The following PTPRB variants were observed in gnomAD, a reference collection of about 807,000 sequenced individuals.
The protein encoded by PTPRB is protein tyrosine phosphatase receptor type B.
Under a neutral mutation model 238.1 loss-of-function variants are expected in PTPRB, and 97 were observed. That is an observed-to-expected ratio of 0.41 (90% CI 0.35 to 0.48). The LOEUF (loss-of-function observed/expected upper bound fraction) is 0.48, where lower values mean the gene tolerates loss of function less well. Ranked by LOEUF, PTPRB falls within the 20% of genes least tolerant of loss-of-function variation. The pLI, the probability that PTPRB is intolerant of heterozygous loss-of-function variation, is 0.30. For missense variants in PTPRB, 2,292 were observed against 2,681.9 expected, an observed-to-expected ratio of 0.85 and a Z score of 3.21; for synonymous variants, 970 against 995.4, an observed-to-expected ratio of 0.97 and a Z score of 0.48.
chr12:70,578,650 TA>T (rs527570296), intron 10 of PTPRB, among the ~76,000 whole-genome samples: 1 of 151,876 alleles, frequency 6.6e-6, no homozygotes, highest in Admixed American at 6.6e-5. Context: ...AAATATAAAT[TA>T]AAAAATAAAA....
chr12:70,540,889 C>T lies in PTPRB; in HGVS notation c.5563G>A (p.Val1855Ile). The T allele has an allele frequency of 2.5e-6, 4 of 1,605,404 alleles. No homozygotes were observed. Among genetic ancestry groups the T allele is most frequent in the Non-Finnish European group, 3.4e-6 (4 of 1,175,930 alleles). ...LFLIGMLVAVVALLICRQKVS... is the reference protein window; with the variant it reads ...LFLIGMLVAVIALLICRQKVS... ...TTCTGTCTGCAGATCAATAAGGCAA[C>T]AACAGCCACTAGCATGCCAATTAAA... The change falls in exon 23 of 34, where the codon GTT becomes ATT. Residue 1855 changes from valine to isoleucine, a missense_variant. By Grantham distance (29) the Val-to-Ile change is conservative (BLOSUM62 3). This residue lies in a region of PTPRB where 397 missense variants were observed against 502.0 expected (regional missense o/e 0.79). Coordinates refer to ENST00000334414, the MANE Select transcript of PTPRB (RefSeq NM_001109754.4).
Position 70,635,041 on chromosome 12 carries a change from A to G in PTPRB, c.451+630T>C, listed in dbSNP as rs186257829. On this transcript the variant is annotated intron_variant, in intron 2 of 33. Coordinates refer to ENST00000334414, the MANE Select transcript of PTPRB (RefSeq NM_001109754.4). ...CCAGGAGCTTGCACATGTGTATAAC[A>G]TATTTTCTACATGTGTCCATTATCT... Among the ~76,000 whole-genome samples the G allele has an allele frequency of 7.9e-5, 12 of 152,324 alleles. 1 individual carries two copies. In the East Asian group the frequency reaches 1.5e-3, roughly 20 times the overall value.
At chr12:70,537,305 AAAAG>A (rs1431848914) in intron 28 of PTPRB, among the ~76,000 whole-genome samples, 10 of 135,916 alleles carry the variant, frequency 7.4e-5, no homozygotes, top group Non-Finnish European at 1.3e-4. Context: ...AAAAAAAAAA[AAAAG>A]AAAGAAATAC....
At chr12:70,552,061 A>G (rs1213030706) in intron 21 of PTPRB, among the ~76,000 whole-genome samples, 1 of 152,204 alleles carries the variant, frequency 6.6e-6, no homozygotes, top group African/African-American at 2.4e-5. Flanking sequence ...ATAAGTGAGT[A>G]TAATTTCAGT....
chr12:70,602,869 T>C (rs189964071), intron 4 of PTPRB, among the ~76,000 whole-genome samples: 16 of 152,322 alleles, frequency 1.1e-4, no homozygotes, highest in Non-Finnish European at 2.1e-4. Context: ...TCATTTTAGT[T>C]TCATATTATA....
At chr12:70,537,361 GC>G (rs1396774069) in intron 28 of PTPRB, among the ~76,000 whole-genome samples, 1 of 150,742 alleles carries the variant, frequency 6.6e-6, no homozygotes. Flanking sequence ...ATCAGAATCT[GC>G]CTTTTCACAA....
At chr12:70,573,004 A>C (rs570312589) in intron 11 of PTPRB, among the ~76,000 whole-genome samples, 70 of 151,986 alleles carry the variant, frequency 4.6e-4, no homozygotes, top group Non-Finnish European at 7.9e-4. Context: ...TAATGAATAC[A>C]TACATATACA....
intron 14 of PTPRB, among the ~76,000 whole-genome samples, chr12:70,566,996 C>T (rs1425101844): frequency 2.0e-5 from 3 of 152,024 alleles, no homozygotes; most frequent in Non-Finnish European, 4.4e-5. Flanking sequence ...TGGTGCATAC[C>T]TATGAATCTA....
At chr12:70,542,831 G>A (rs909378752) in intron 22 of PTPRB, 14 of 149,682 alleles carry the variant, frequency 9.4e-5, no homozygotes, top group African/African-American at 1.7e-4. Context: ...AGCTTGCAGC[G>A]AGCCGAGATC....
rs1341780243 is a variant in PTPRB at position 70,570,260 on chromosome 12, A to G, written c.3371-322T>C. On this transcript the variant is annotated intron_variant, in intron 13 of 33. Coordinates refer to ENST00000334414, the MANE Select transcript of PTPRB (RefSeq NM_001109754.4). ...TACAGGCAAATTACTTGACCTCTGT[A>G]AGTTTTAGTTTCTTCATTAGGAAAA... Among the ~76,000 whole-genome samples the G allele has an allele frequency of 2.6e-5, 4 of 152,222 alleles. No homozygotes were observed. The East Asian group carries it at 7.7e-4, about 29-fold the overall frequency.
intron 3 of PTPRB, 84 bp from the exon 4 acceptor site, chr12:70,609,423 C>A: frequency 6.7e-7 from 1 of 1,493,250 alleles, no homozygotes; most frequent in Non-Finnish European, 9.1e-7. Context: ...TCAAGCCACA[C>A]TTTCTCCTCT....
At chr12:70,620,069 C>G (rs796146273) in intron 3 of PTPRB, among the ~76,000 whole-genome samples, 1 of 152,170 alleles carries the variant, frequency 6.6e-6, no homozygotes, top group South Asian at 2.1e-4. Flanking sequence ...AAGAGCATAG[C>G]TTTTACACAT....
At position 70,521,338 on chromosome 12, in the gene PTPRB, A is replaced by C; in HGVS notation, c.*151T>G. On this transcript the variant is annotated 3_prime_UTR_variant, in exon 34 of 34. Coordinates refer to ENST00000334414, the MANE Select transcript of PTPRB (RefSeq NM_001109754.4). ...ATGTACAATAATATCTGTTACCTTT[A>C]AATTATATAAAATTTTAAACATTCT... 2.0e-6 allele frequency: 1 copy of C among 506,812 alleles called. No homozygotes were observed. The highest frequency in any genetic ancestry group is 3.4e-6 in the Non-Finnish European group (1 of 295,986). The allele number at this position is 506,812 out of a possible 1,614,324, so 31.4% of individuals were successfully genotyped here. A position where few individuals can be genotyped will look rare whatever the true frequency, so the allele number is the denominator to read the frequency against.
rs1871241052 is a variant in PTPRB at position 70,516,948 on chromosome 12, T to G, written c.*4541A>C. ...ATGCCTTATTTGTGTTGCATACATTTATTCCGAGGGAGCCTCCCTACAAGT... is the reference window on the plus strand; with the variant it reads ...ATGCCTTATTTGTGTTGCATACATTGATTCCGAGGGAGCCTCCCTACAAGT... On this transcript the variant is annotated 3_prime_UTR_variant, in exon 34 of 34. Coordinates refer to ENST00000334414, the MANE Select transcript of PTPRB (RefSeq NM_001109754.4). The G allele has an allele frequency of 2.0e-5, 3 of 152,206 alleles. No individual in the cohort carries two copies. In the South Asian group the frequency reaches 6.2e-4, roughly 31 times the overall value. The allele number at this position is 152,206 out of a possible 1,614,324, so 9.4% of individuals were successfully genotyped here.
At chr12:70,576,358 C>A in intron 11 of PTPRB, 24 bp downstream of exon 11, 1 of 1,607,258 alleles carries the variant, frequency 6.2e-7, no homozygotes, top group Non-Finnish European at 8.5e-7. Context: ...TCTTACGGAG[C>A]CCTGAACCTT....
chr12:70,524,657 A>T, intron 32 of PTPRB, 66 bp from the exon 33 acceptor site: 1 of 1,477,984 alleles, frequency 6.8e-7, no homozygotes, highest in Non-Finnish European at 9.1e-7. Context: ...TGAGAAACTC[A>T]CAAACTGTTG....
chr12:70,619,157 AGTGTGTGTGTGTGTGTGTGT>A (rs3049143), intron 3 of PTPRB, among the ~76,000 whole-genome samples: 1 of 142,118 alleles, frequency 7.0e-6, no homozygotes, highest in South Asian at 2.3e-4. Flanking sequence ...TGTTTAGGGG[AGTGTGTGTGTGTGTGTGTGT>A]GTGTGTGTGT....
At position 70,539,927 on chromosome 12, in the gene PTPRB, T is replaced by A. The variant is rs1360057263; in HGVS notation, c.5678+12A>T. On this transcript the variant is annotated intron_variant, in intron 24 of 33. Transcript: ENST00000334414. ...TTTCAACAAATTATACGAAGGCAAA[T>A]GTGGTGCTTACCCTTTCTGGCCCAG... The A allele has an allele frequency of 6.3e-7, 1 of 1,599,116 alleles. No homozygotes were observed. Among genetic ancestry groups the A allele is most frequent in the Admixed American group, 1.7e-5 (1 of 60,004 alleles).
chr12:70,555,269 C>T lies in PTPRB; in HGVS notation c.5034G>A (p.Lys1678=). Residue 1678 remains lysine (K), a synonymous_variant, in exon 20 of 34, where the codon AAG becomes AAA. Transcript: ENST00000334414. ...TGGAAGACTTGCTAATTAGCACATC[C>T]TTTTCATTCACACGAATGTGTGGGG... ...PPPPHIRVNE[K]DVLISKSSIN... is the part of the protein sequence containing the mutation. 1 of 1,613,512 alleles carries T rather than the reference C, an allele frequency of 6.2e-7. No homozygotes were observed. The highest frequency in any genetic ancestry group is 8.5e-7 in the Non-Finnish European group (1 of 1,179,826).
Sources: gnomAD v4.1 joint callset for allele counts (sites outside exome capture counted in the v4.1 genomes callset) on GRCh38, gnomAD v4.1.1 for gene constraint, gnomAD v4.1.1 regional missense constraint, MANE v1.5 for transcripts, NCBI Gene and HGNC (gene_info 2026-07-23, HGNC 2026-07-21) for gene names.